STXBP4: variants seen among roughly 807,000 people sequenced by gnomAD.
The protein encoded by STXBP4 is syntaxin binding protein 4, also known as syntaxin-binding protein 4.
Under a neutral mutation model 76.1 loss-of-function variants are expected in STXBP4, and 55 were observed. That is an observed-to-expected ratio of 0.72 (90% CI 0.58 to 0.91). The LOEUF (loss-of-function observed/expected upper bound fraction) is 0.91, where lower values mean the gene tolerates loss of function less well. Ranked by LOEUF, STXBP4 falls within the 40% of genes least tolerant of loss-of-function variation. The pLI is 0.00. For missense variants in STXBP4, 618 were observed against 636.9 expected (o/e 0.97, Z 0.32); for synonymous variants, 201 against 220.2 (o/e 0.91, Z 0.77).
At chr17:55,023,559 G>A (rs980793859) in intron 8 of STXBP4, among the ~76,000 whole-genome samples, 2 of 152,138 alleles carry the variant, frequency 1.3e-5, no homozygotes, top group African/African-American at 4.8e-5. Context: ...TGTTGTTTTG[G>A]CACTCAAAAA....
In STXBP4 at chr17:55,167,635, C is replaced by T. The variant is rs141294638; in HGVS notation, c.*7724C>T. 20 of 152,256 alleles carry T rather than the reference C, an allele frequency of 1.3e-4. No individual in the cohort carries two copies. The highest frequency in any genetic ancestry group is 3.3e-4 in the Admixed American group (5 of 15,292). 9.4% of individuals were successfully genotyped at this position (152,256 alleles called of 1,614,324 possible). On this transcript the variant is annotated 3_prime_UTR_variant, in exon 18 of 18. Transcript: ENST00000376352. ...TTTGGTATAGAAGGGTAGATAAAGC[C>T]TGAAACCAAAATACAAGGTTAGTGC...
At chr17:54,988,734 A>G (rs949191527) in intron 3 of STXBP4, among the ~76,000 whole-genome samples, 2 of 152,104 alleles carry the variant, frequency 1.3e-5, no homozygotes, top group Non-Finnish European at 2.9e-5. Context: ...AGATCACGCC[A>G]CTGCACTCCA....
At chr17:55,176,719 A>G (rs1308941769), downstream of STXBP4, among the ~76,000 whole-genome samples, 1 of 152,164 alleles carries the variant, frequency 6.6e-6, no homozygotes, top group African/African-American at 2.4e-5. Context: ...AAAGATTAGC[A>G]TTTGAATCAG....
At chr17:55,048,624 C>A (rs1188110351) in intron 12 of STXBP4, among the ~76,000 whole-genome samples, 13 of 151,092 alleles carry the variant, frequency 8.6e-5, no homozygotes, top group Admixed American at 6.6e-4. Flanking sequence ...TGATCACCCC[C>A]AAAAAAATCA....
chr17:55,028,474 G>GA (rs1001057608), intron 8 of STXBP4, among the ~76,000 whole-genome samples: 10 of 152,076 alleles, frequency 6.6e-5, no homozygotes, highest in Non-Finnish European at 1.0e-4. Flanking sequence ...TATATTCATA[G>GA]AAAAAAACCT....
intron 7 of STXBP4, among the ~76,000 whole-genome samples, chr17:55,007,212 A>C (rs996133243): frequency 6.6e-6 from 1 of 151,692 alleles, no homozygotes; most frequent in East Asian, 1.9e-4. Flanking sequence ...GGTGGCATGC[A>C]CCTGTAGTCC....
intron 12 of STXBP4, among the ~76,000 whole-genome samples, chr17:55,060,898 C>T (rs2078986884): frequency 6.6e-6 from 1 of 152,156 alleles, no homozygotes; most frequent in African/African-American, 2.4e-5. Context: ...AGTATTATGA[C>T]CTAAGGCAGC....
At chr17:55,159,652 T>C in intron 17 of STXBP4, 145 bp from the exon 18 acceptor site, 1 of 532,552 alleles carries the variant, frequency 1.9e-6, no homozygotes, top group Non-Finnish European at 3.3e-6. Flanking sequence ...GTCTAAGACT[T>C]ATTAAAGCTA....
chr17:55,170,071 C>A lies in STXBP4; in HGVS notation c.*10160C>A, dbSNP rs1293260232. ...CATGACATAGATATCCTCAAATATTCTTAGGACATCTATAAATCACCACAA... is the reference window on the plus strand; with the variant it reads ...CATGACATAGATATCCTCAAATATTATTAGGACATCTATAAATCACCACAA... On this transcript the variant is annotated 3_prime_UTR_variant, in exon 18 of 18. Coordinates refer to ENST00000376352, the MANE Select transcript of STXBP4 (RefSeq NM_178509.6). 1.3e-5 allele frequency: 2 copies of A among 152,134 alleles called. No homozygotes were observed. The highest frequency in any genetic ancestry group is 4.8e-5 in the African/African-American group (2 of 41,430). 9.4% of individuals were successfully genotyped at this position (152,134 alleles called of 1,614,324 possible). A position where few individuals can be genotyped will look rare whatever the true frequency, so the allele number is the denominator to read the frequency against.
rs2080361495 is a variant in STXBP4 at position 55,164,141 on chromosome 17, T to G, written c.*4230T>G. On this transcript the variant is annotated 3_prime_UTR_variant, in exon 18 of 18. Coordinates refer to ENST00000376352, the MANE Select transcript of STXBP4 (RefSeq NM_178509.6). Reference sequence around the variant, plus strand: ...AAGAACCTTAAACAGAATGTGCCTGTGGAGCTTCGCTTTAGAAATGAAATA... The same window carrying G: ...AAGAACCTTAAACAGAATGTGCCTGGGGAGCTTCGCTTTAGAAATGAAATA... 6.6e-6 allele frequency: 1 copy of G among 152,256 alleles called. No homozygotes were observed. The highest frequency in any genetic ancestry group is 2.4e-5 in the African/African-American group (1 of 41,466). The allele number at this position is 152,256 out of a possible 1,614,324, so 9.4% of individuals were successfully genotyped here. A position where few individuals can be genotyped will look rare whatever the true frequency, so the allele number is the denominator to read the frequency against.
rs376999774 is a variant in STXBP4, at chr17:55,141,371, A to G, written c.1547+4A>G. On this transcript the variant is annotated splice_donor_region_variant and intron_variant, in intron 17 of 17. Transcript: ENST00000376352. Reference sequence around the variant, plus strand: ...ATGGAATCAAGTACTTCATCAAGTAAGTACAAGCATCTCAACCAAGTAAGC... The same window carrying G: ...ATGGAATCAAGTACTTCATCAAGTAGGTACAAGCATCTCAACCAAGTAAGC... 6 of 1,609,830 alleles carry G rather than the reference A, an allele frequency of 3.7e-6. No individual in the cohort carries two copies. Among genetic ancestry groups the G allele is most frequent in the African/African-American group, 1.3e-5 (1 of 74,752 alleles).
intron 16 of STXBP4, among the ~76,000 whole-genome samples, chr17:55,135,588 A>G (rs1429905252): frequency 6.6e-6 from 1 of 152,152 alleles, no homozygotes; most frequent in Non-Finnish European, 1.5e-5. Flanking sequence ...GGTGGCAACC[A>G]TCTCTCACTA....
chr17:55,045,819 A>G (rs564358163), intron 11 of STXBP4, among the ~76,000 whole-genome samples: 9 of 152,260 alleles, frequency 5.9e-5, no homozygotes, highest in African/African-American at 2.2e-4. Flanking sequence ...AAGAAGCCAT[A>G]TAAAGTAGTG....
At position 54,999,332 on chromosome 17, in the gene STXBP4, C is replaced by T; in HGVS notation, c.181-13C>T. On this transcript the variant is annotated splice_polypyrimidine_tract_variant and intron_variant, in intron 4 of 17. Coordinates refer to ENST00000376352, the MANE Select transcript of STXBP4 (RefSeq NM_178509.6). ...CTCATTAGTTCCTTTATAAATGTTACTGTTTTTGTTAGGATGGTCGTTTGA... is the reference window on the plus strand; with the variant it reads ...CTCATTAGTTCCTTTATAAATGTTATTGTTTTTGTTAGGATGGTCGTTTGA... The T allele has an allele frequency of 1.9e-6, 3 of 1,587,990 alleles. No homozygotes were observed. The highest frequency in any genetic ancestry group is 1.1e-5 in the South Asian group (1 of 87,344).
the STXBP4 span, among the ~76,000 whole-genome samples, chr17:55,184,357 T>G: frequency 6.6e-6 from 1 of 152,198 alleles, no homozygotes; most frequent in Non-Finnish European, 1.5e-5. Flanking sequence ...CATGCACAAG[T>G]GTACCAAATA....
intron 16 of STXBP4, among the ~76,000 whole-genome samples, chr17:55,083,893 G>T: frequency 6.6e-6 from 1 of 152,128 alleles, no homozygotes; most frequent in East Asian, 1.9e-4. Context: ...AAATTTGAGG[G>T]GATGGGACTT....
the STXBP4 span, among the ~76,000 whole-genome samples, chr17:55,203,333 A>G: frequency 6.6e-6 from 1 of 151,564 alleles, no homozygotes; most frequent in East Asian, 2.0e-4. Flanking sequence ...ATAACTGTCT[A>G]TTGTCTTTTC....
chr17:55,147,666 T>C (rs1025698600), intron 17 of STXBP4, among the ~76,000 whole-genome samples: 8 of 152,234 alleles, frequency 5.3e-5, no homozygotes, highest in Admixed American at 3.3e-4. Flanking sequence ...ATAGGCAGTA[T>C]TATTCTTAGA....
the STXBP4 span, among the ~76,000 whole-genome samples, chr17:55,203,015 C>G: frequency 6.6e-6 from 1 of 152,270 alleles, no homozygotes; most frequent in East Asian, 1.9e-4. Flanking sequence ...TTTTCTAGAG[C>G]TGCTGGAAGT....
Sources: gnomAD v4.1 joint callset for allele counts (sites outside exome capture counted in the v4.1 genomes callset) on GRCh38, gnomAD v4.1.1 for gene constraint, MANE v1.5 for transcripts, NCBI Gene and HGNC (gene_info 2026-07-23, HGNC 2026-07-21) for gene names.